The following ADAMTSL3 variants were observed in gnomAD, a reference collection of about 807,000 sequenced individuals.
ADAMTSL3 encodes ADAMTS-like protein 3.
ADAMTSL3 carries 128 observed loss-of-function variants against 201.7 expected under a neutral mutation model. The observed-to-expected ratio is 0.63, with a 90% CI of 0.55 to 0.73. The LOEUF (loss-of-function observed/expected upper bound fraction) is 0.73, where lower values mean the gene tolerates loss of function less well. Among genes scored for constraint, ADAMTSL3 ranks in the 30% least tolerant of loss-of-function variants. The pLI, the probability that ADAMTSL3 is intolerant of heterozygous loss-of-function variation, is 0.00. For synonymous variants in ADAMTSL3, 738 were observed against 748.4 expected (o/e 0.99, Z 0.23); for missense variants, 1,990 against 2,119.6 (o/e 0.94, Z 1.20).
intron 8 of ADAMTSL3, among the ~76,000 whole-genome samples, chr15:83,866,092 TA>T (rs1379119784): frequency 8.5e-5 from 13 of 152,298 alleles, no homozygotes; most frequent in Non-Finnish European, 1.5e-4. Context: ...TGGTGATCAT[TA>T]AAAAGTCAGG....
intron 19 of ADAMTSL3, among the ~76,000 whole-genome samples, chr15:83,964,059 G>T (rs555501258): frequency 2.0e-5 from 3 of 152,262 alleles, no homozygotes; most frequent in South Asian, 4.2e-4. Flanking sequence ...AATTCACAAA[G>T]ATGTGGAAAA....
rs149093220 is a variant in ADAMTSL3, at chr15:83,988,479, C to T, written c.3717-212C>T. 1.9e-4 allele frequency among the ~76,000 whole-genome samples: 29 copies of T among 152,288 alleles called. No individual in the cohort carries two copies. In the East Asian group the frequency reaches 5.2e-3, roughly 27 times the overall value. ...ATCTCTAAGCACTGTTGAGCTCTAA[C>T]GTTGCTGTTAACCTATAGCAAGAGG... On this transcript the variant is annotated intron_variant, in intron 21 of 29. Transcript: ENST00000286744.
At chr15:83,831,930 G>A (rs557674722) in intron 6 of ADAMTSL3, among the ~76,000 whole-genome samples, 98 of 152,268 alleles carry the variant, frequency 6.4e-4, no homozygotes, top group African/African-American at 2.3e-3. Context: ...TGGGTGAGTG[G>A]AGTATTGACT....
At chr15:84,004,490 A>C (rs1459089113) in intron 23 of ADAMTSL3, among the ~76,000 whole-genome samples, 2 of 152,230 alleles carry the variant, frequency 1.3e-5, no homozygotes, top group East Asian at 3.8e-4. Flanking sequence ...AACTAGAACC[A>C]GGAGTAAACC....
intron 3 of ADAMTSL3, among the ~76,000 whole-genome samples, chr15:83,714,039 G>C (rs2061966950): frequency 6.6e-6 from 1 of 152,144 alleles, no homozygotes; most frequent in South Asian, 2.1e-4. Flanking sequence ...GGATACCTGA[G>C]GCCAGGCAGA....
intron 6 of ADAMTSL3, among the ~76,000 whole-genome samples, chr15:83,821,292 G>A (rs2063860600): frequency 6.6e-6 from 1 of 151,116 alleles, no homozygotes. Flanking sequence ...TCTCGCAGAG[G>A]GGGATTTGGC....
chr15:83,715,968 C>T (rs1026971521), intron 3 of ADAMTSL3, among the ~76,000 whole-genome samples: 4 of 152,202 alleles, frequency 2.6e-5, no homozygotes, highest in South Asian at 2.1e-4. Flanking sequence ...AGCCTAACAG[C>T]GTTTCTTCCT....
intron 3 of ADAMTSL3, among the ~76,000 whole-genome samples, chr15:83,749,771 G>A (rs534998248): frequency 6.6e-6 from 1 of 152,326 alleles, no homozygotes; most frequent in South Asian, 2.1e-4. Flanking sequence ...AGTAATTCAT[G>A]AAAGCGAATA....
rs1448100528 is a variant in ADAMTSL3, at chr15:83,903,958, A to AGG, written c.1700+4227_1700+4228insGG. On this transcript the variant is annotated intron_variant, in intron 15 of 29. Coordinates refer to ENST00000286744, the MANE Select transcript of ADAMTSL3 (RefSeq NM_207517.3). ...AAAAAAAAAAAAGAAAAAAGAAAGA[A>AGG]AGAAAGAAAGAAAAGGAGCTACAGT... 4.6e-4 allele frequency among the ~76,000 whole-genome samples: 36 copies of AGG among 77,534 alleles called. 1 individual carries two copies. Among genetic ancestry groups the AGG allele is most frequent in the African/African-American group, 1.9e-3 (29 of 14,978 alleles). The allele number at this position is 77,534 out of a possible 152,430, so 50.9% of individuals were successfully genotyped here.
intron 3 of ADAMTSL3, among the ~76,000 whole-genome samples, chr15:83,705,230 C>G (rs2061832566): frequency 6.6e-6 from 1 of 152,080 alleles, no homozygotes; most frequent in Non-Finnish European, 1.5e-5. Context: ...TTGAGCAAAC[C>G]AGGGTGGACT....
intron 2 of ADAMTSL3, among the ~76,000 whole-genome samples, chr15:83,684,072 G>A (rs1447316232): frequency 1.3e-5 from 2 of 152,178 alleles, no homozygotes; most frequent in Admixed American, 6.5e-5. Flanking sequence ...GAAACCTGAA[G>A]CAAAGATTAC....
chr15:83,655,874 C>G, intron 2 of ADAMTSL3, 44 bp downstream of exon 2: 1 of 1,577,996 alleles, frequency 6.3e-7, no homozygotes, highest in Non-Finnish European at 8.7e-7. Flanking sequence ...GGACATCCCT[C>G]TGTTTACTCA....
chr15:83,659,238 A>G (rs28676897), intron 2 of ADAMTSL3, among the ~76,000 whole-genome samples: 11,028 of 152,230 alleles, frequency 0.072, 447 homozygotes, highest in East Asian at 0.12. Context: ...ACAGTTTTGA[A>G]AGGCAGGAGA....
intron 4 of ADAMTSL3, among the ~76,000 whole-genome samples, chr15:83,776,119 A>T (rs905224718): frequency 7.9e-5 from 12 of 152,332 alleles, no homozygotes; most frequent in African/African-American, 2.6e-4. Context: ...ACTGTTGGTG[A>T]CACATATTGA....
In ADAMTSL3 at chr15:84,014,576, A is replaced by G. The variant is rs1358458981; in HGVS notation, c.4008A>G (p.Arg1336=). 46 of 1,613,978 alleles carry G rather than the reference A, an allele frequency of 2.9e-5. No homozygotes were observed. The highest frequency in any genetic ancestry group is 3.6e-5 in the Non-Finnish European group (42 of 1,180,002). ...VPQPNITWLK[R]GGSLSGNVSL... is the part of the protein sequence containing the mutation. ...AGCCTAATATAACTTGGTTGAAGAG[A>G]GGAGGATCTCTGAGTGGCAATGTTT... The change falls in exon 24 of 30, where the codon AGA becomes AGG. Residue 1336 remains arginine (R), a synonymous_variant. Coordinates refer to ENST00000286744, the MANE Select transcript of ADAMTSL3 (RefSeq NM_207517.3).
chr15:83,934,118 C>T (rs1462597588), intron 17 of ADAMTSL3, among the ~76,000 whole-genome samples: 3 of 152,176 alleles, frequency 2.0e-5, no homozygotes, highest in Non-Finnish European at 4.4e-5. Context: ...CCACTGACAG[C>T]TTGCACTGTG....
chr15:83,998,500 A>G (rs948185643), intron 23 of ADAMTSL3, among the ~76,000 whole-genome samples: 5 of 152,334 alleles, frequency 3.3e-5, no homozygotes, highest in South Asian at 2.1e-4. Flanking sequence ...CTGTAAATCA[A>G]TGAAACCAGA....
chr15:83,673,111 T>A (rs2061349443), intron 2 of ADAMTSL3, among the ~76,000 whole-genome samples: 1 of 152,218 alleles, frequency 6.6e-6, no homozygotes. Context: ...CAGGCGGCCA[T>A]GATCTGGCAG....
intron 5 of ADAMTSL3, among the ~76,000 whole-genome samples, chr15:83,816,738 G>A (rs2063777921): frequency 6.6e-6 from 1 of 152,224 alleles, no homozygotes; most frequent in African/African-American, 2.4e-5. Context: ...TGGCACGGTG[G>A]TTCATGCCTG....
Sources: allele counts gnomAD v4.1 joint callset (sites outside exome capture counted in the v4.1 genomes callset), GRCh38; gene constraint gnomAD v4.1.1; transcripts MANE v1.5; gene names NCBI Gene and HGNC (gene_info 2026-07-23, HGNC 2026-07-21).